The following SP140L variants were observed in gnomAD, a reference collection of about 807,000 sequenced individuals.
SP140L encodes SP140 like nuclear body protein, also known as nuclear body protein SP140-like protein.
Under a neutral mutation model 84.3 loss-of-function variants are expected in SP140L, and 64 were observed. The observed-to-expected ratio is 0.76, with a 90% CI of 0.62 to 0.94. SP140L has a LOEUF of 0.94. Among genes scored for constraint, SP140L ranks in the 40% least tolerant of loss-of-function variants. SP140L has a pLI of 0.00. For synonymous variants in SP140L, 242 were observed against 236.9 expected (o/e 1.02, Z -0.20); for missense variants, 628 against 692.5 (o/e 0.91, Z 1.05).
In SP140L at chr2:230,392,134, C is replaced by T. The variant is rs760548864; in HGVS notation, c.1012C>T (p.Pro338Ser). 6 of 1,614,020 alleles carry T rather than the reference C, an allele frequency of 3.7e-6. No individual in the cohort carries two copies. The highest frequency in any genetic ancestry group is 4.2e-6 in the Non-Finnish European group (5 of 1,179,948). The stretch of plus-strand genomic sequence containing the variant: ...GACTGAGGATGGAAAATGGTTCACC[C>T]CCATGGAATTTGAAATCAAAGGAGG... Reference protein sequence around the residue: ...IQTEDGKWFTPMEFEIKGGYA... With the variant: ...IQTEDGKWFTSMEFEIKGGYA... Residue 338 changes from proline to serine, a missense_variant, in exon 12 of 19, where the codon CCC (proline) becomes TCC (serine). By Grantham distance (74) the Pro-to-Ser change is moderately conservative. Transcript: ENST00000415673.
intron 5 of SP140L, among the ~76,000 whole-genome samples, chr2:230,369,054 G>A (rs954870910): frequency 9.2e-5 from 14 of 152,290 alleles, no homozygotes; most frequent in African/African-American, 3.1e-4. Flanking sequence ...TTATATCTGT[G>A]CATTTAAGGA....
At chr2:230,328,891 C>G (rs923496487) in intron 2 of SP140L, 60 bp downstream of exon 2, 105 of 1,558,274 alleles carry the variant, frequency 6.7e-5, no homozygotes, top group Non-Finnish European at 8.3e-5. Context: ...GAAAGCTGAA[C>G]AGCTTTTCAT....
intron 3 of SP140L, among the ~76,000 whole-genome samples, chr2:230,358,568 T>C (rs573183086): frequency 6.6e-6 from 1 of 152,332 alleles, no homozygotes; most frequent in South Asian, 2.1e-4. Context: ...ACCTAGTTTC[T>C]TTGAGCCCTT....
intron 7 of SP140L, among the ~76,000 whole-genome samples, chr2:230,374,715 C>T (rs12694850): frequency 0.23 from 35,061 of 152,050 alleles, 4,283 homozygotes; most frequent in Non-Finnish European, 0.28. Context: ...AGACCCTTTA[C>T]CAGCAAAGAA....
At chr2:230,387,779 G>C (rs1329423895) in intron 9 of SP140L, among the ~76,000 whole-genome samples, 2 of 152,196 alleles carry the variant, frequency 1.3e-5, no homozygotes, top group Non-Finnish European at 2.9e-5. Flanking sequence ...CGGCTGCAGT[G>C]TCTGCCATGT....
chr2:230,340,486 T>A (rs2060007418), intron 2 of SP140L, among the ~76,000 whole-genome samples: 1 of 147,858 alleles, frequency 6.8e-6, no homozygotes. Flanking sequence ...ATTTAGTCCA[T>A]TTACATTTAA....
At chr2:230,355,215 A>G (rs1255427247) in intron 2 of SP140L, among the ~76,000 whole-genome samples, 1 of 152,160 alleles carries the variant, frequency 6.6e-6, no homozygotes, top group Non-Finnish European at 1.5e-5. Flanking sequence ...TATAAAGGAA[A>G]TCTATAAATA....
intron 13 of SP140L, among the ~76,000 whole-genome samples, chr2:230,396,223 T>C (rs572808103): frequency 3.3e-5 from 5 of 152,330 alleles, no homozygotes; most frequent in South Asian, 2.1e-4. Flanking sequence ...GGGACTTGCA[T>C]TGGGCTGAAC....
intron 14 of SP140L, among the ~76,000 whole-genome samples, chr2:230,399,016 A>G (rs551548369): frequency 3.3e-5 from 5 of 152,344 alleles, no homozygotes; most frequent in African/African-American, 1.2e-4. Context: ...TAGATAGACC[A>G]TTCTAGGCCT....
chr2:230,391,338 A>T (rs1463085656), intron 11 of SP140L, among the ~76,000 whole-genome samples: 1 of 152,200 alleles, frequency 6.6e-6, no homozygotes. Context: ...TCCCACCAGA[A>T]ATGTATGAAG....
At chr2:230,351,100 G>A (rs2060351129) in intron 2 of SP140L, among the ~76,000 whole-genome samples, 1 of 152,156 alleles carries the variant, frequency 6.6e-6, no homozygotes, top group Non-Finnish European at 1.5e-5. Flanking sequence ...TAGGATACAT[G>A]TTGATCTTTT....
At chr2:230,391,834 G>T in intron 11 of SP140L, 3 of 393,696 alleles carry the variant, frequency 7.6e-6, no homozygotes, top group South Asian at 1.0e-4. Flanking sequence ...TGCTTAAAAG[G>T]TTGCTCTTGC....
chr2:230,376,075 T>C (rs959235309), intron 7 of SP140L, among the ~76,000 whole-genome samples: 4 of 152,192 alleles, frequency 2.6e-5, no homozygotes, highest in Non-Finnish European at 5.9e-5. Context: ...TTGGAGTTAA[T>C]TGTTGTATAT....
At position 230,402,822 on chromosome 2, in the gene SP140L, C is replaced by G; in HGVS notation, c.1669C>G (p.Leu557Val). 6.2e-7 allele frequency: 1 copy of G among 1,612,368 alleles called. No individual in the cohort carries two copies. The highest frequency in any genetic ancestry group is 8.5e-7 in the Non-Finnish European group (1 of 1,179,602). Reference protein sequence around the residue: ...YKYKDFGQMGLRLEAEFEKDF... With the variant: ...YKYKDFGQMGVRLEAEFEKDF... Reference sequence around the variant, plus strand: ...GTATAAGGATTTTGGCCAAATGGGACTTAGACTGGAGGCTGAATTTGAGAA... The same window carrying G: ...GTATAAGGATTTTGGCCAAATGGGAGTTAGACTGGAGGCTGAATTTGAGAA... Residue 557 changes from leucine to valine, a missense_variant, in exon 19 of 19, where the codon CTT (leucine) becomes GTT (valine). Physicochemically the swap from Leu to Val is conservative, Grantham distance 32. Coordinates refer to ENST00000415673, the MANE Select transcript of SP140L (RefSeq NM_138402.6).
intron 7 of SP140L, among the ~76,000 whole-genome samples, chr2:230,375,123 T>C (rs907175244): frequency 1.3e-5 from 2 of 152,246 alleles, no homozygotes; most frequent in Non-Finnish European, 2.9e-5. Flanking sequence ...ATATTTGAAA[T>C]ACTTTTTAAT....
At chr2:230,388,426 G>A (rs2061673932) in intron 9 of SP140L, 133 bp from the exon 10 acceptor site, 4 of 620,552 alleles carry the variant, frequency 6.4e-6, no homozygotes, top group Non-Finnish European at 1.0e-5. Flanking sequence ...TAAAGGCTAG[G>A]GTTTAAATCT....
chr2:230,360,573 C>T (rs1292048367), intron 4 of SP140L, among the ~76,000 whole-genome samples: 3 of 152,202 alleles, frequency 2.0e-5, no homozygotes, highest in Non-Finnish European at 2.9e-5. Context: ...ATGGTCCAGG[C>T]TGCGGGGATG....
At chr2:230,387,171 G>C (rs6436930) in intron 9 of SP140L, among the ~76,000 whole-genome samples, 66,541 of 151,970 alleles carry the variant, frequency 0.44, 14,867 homozygotes, top group South Asian at 0.53. Flanking sequence ...ATTAACATGC[G>C]TCTTGGAGAA....
rs1484177073 is a variant in SP140L at position 230,328,610 on chromosome 2, A to C, written c.33-147A>C. The C allele has an allele frequency of 1.6e-5, 17 of 1,051,636 alleles. No individual in the cohort carries two copies. The East Asian group carries it at 4.7e-4, about 29-fold the overall frequency. The allele number at this position is 1,051,636 out of a possible 1,614,324, so 65.1% of individuals were successfully genotyped here. A position where few individuals can be genotyped will look rare whatever the true frequency, so the allele number is the denominator to read the frequency against. On this transcript the variant is annotated intron_variant, in intron 1 of 18. Transcript: ENST00000415673. ...TGTTTTAAATTGTTCACGTTTATCA[A>C]TAAGCTATAATAATGATTATATATT...
Sources: allele counts gnomAD v4.1 joint callset (sites outside exome capture counted in the v4.1 genomes callset), GRCh38; gene constraint gnomAD v4.1.1; transcripts MANE v1.5; gene names NCBI Gene and HGNC (gene_info 2026-07-23, HGNC 2026-07-21).